CEL: variants seen among roughly 807,000 people sequenced by gnomAD.
CEL encodes the protein bile salt-activated lipase.
Under a neutral mutation model 57.1 loss-of-function variants are expected in CEL, and 39 were observed. That is an observed-to-expected ratio of 0.68 (90% CI 0.53 to 0.89). The LOEUF is 0.89. CEL is among the 40% of genes least tolerant of loss of function. The pLI is 0.00. For synonymous variants in CEL, 314 were observed against 396.6 expected (o/e 0.79, Z 2.48); for missense variants, 698 against 915.0 (o/e 0.76, Z 3.06).
chr9:133,066,771 C>T lies in CEL; in HGVS notation c.670-67C>T. 6.2e-7 allele frequency: 1 copy of T among 1,606,512 alleles called. No individual in the cohort carries two copies. The highest frequency in any genetic ancestry group is 1.7e-5 in the Admixed American group (1 of 59,654). On this transcript the variant is annotated intron_variant, in intron 5 of 10. Transcript: ENST00000372080. The surrounding 1 kb of genome is among the most constrained non-coding windows in gnomAD (Gnocchi z 4.3). ...AGCTGGGGCTGTGGTGCTGGGGTGT[C>T]CTTGTCCCAGCGTGGGGTGGGCAGA...
At chr9:133,065,700 G>A (rs1830166602) in intron 4 of CEL, among the ~76,000 whole-genome samples, 1 of 152,076 alleles carries the variant, frequency 6.6e-6, no homozygotes, top group African/African-American at 2.4e-5. Flanking sequence ...TACAAAATTA[G>A]CCAGGCGTGG....
Position 133,067,152 on chromosome 9 carries a change from C to A in CEL, c.842C>A (p.Thr281Asn). ...AGGATGGCCCAGTGTCTGAAGGTTA[C>A]TGATCCCCGAGCCCTGACGCTGGCC... is the stretch of plus-strand genomic sequence containing the variant. ...AARMAQCLKV[T>N]DPRALTLAYK... is the part of the protein sequence containing the mutation. The change falls in exon 7 of 11, where the codon ACT becomes AAT. Residue 281 changes from threonine (T) to asparagine (N), a missense_variant. Thr to Asn is a moderately conservative substitution (Grantham distance 65). This residue lies in a region of CEL where 327 missense variants were observed against 374.1 expected (regional missense o/e 0.87). Coordinates refer to ENST00000372080, the MANE Select transcript of CEL (RefSeq NM_001807.6). The A allele has an allele frequency of 6.2e-7, 1 of 1,614,082 alleles. No individual in the cohort carries two copies. Among genetic ancestry groups the A allele is most frequent in the Non-Finnish European group, 8.5e-7 (1 of 1,179,994 alleles).
At position 133,066,522 on chromosome 9, in the gene CEL, GC is replaced by G; in HGVS notation, c.539-3del. The G allele has an allele frequency of 6.2e-7, 1 of 1,613,912 alleles. No individual in the cohort carries two copies. The highest frequency in any genetic ancestry group is 8.5e-7 in the Non-Finnish European group (1 of 1,180,002). On this transcript the variant is annotated splice_polypyrimidine_tract_variant and splice_region_variant and intron_variant, in intron 4 of 10. Coordinates refer to ENST00000372080, the MANE Select transcript of CEL (RefSeq NM_001807.6). The surrounding 1 kb of genome is among the most constrained non-coding windows in gnomAD (Gnocchi z 4.3). ...TCTCTAGCACCCCCTCCCCTGCCCT[GC>G]CCCCAGGTAACTATGGCCTTCGGGA...
At chr9:133,064,208 G>T (rs1280094461) in intron 1 of CEL, among the ~76,000 whole-genome samples, 196 bp from the exon 2 acceptor site, 1 of 152,206 alleles carries the variant, frequency 6.6e-6, no homozygotes, top group African/African-American at 2.4e-5. Context: ...CACCCCCAGG[G>T]ATAAGGAGAG....
intron 7 of CEL, among the ~76,000 whole-genome samples, chr9:133,067,896 C>T (rs1401256056): frequency 6.6e-6 from 1 of 152,216 alleles, no homozygotes; most frequent in African/African-American, 2.4e-5. Flanking sequence ...GGGGCCCAGC[C>T]TCCAGCTCCA....
In CEL at chr9:133,066,148, G is replaced by T. The variant is rs1433463166; in HGVS notation, c.539-382G>T. On this transcript the variant is annotated intron_variant, in intron 4 of 10. Transcript: ENST00000372080. This position sits in a 1 kb window ranked among gnomAD's most constrained non-coding sequence, Gnocchi z 4.3. The stretch of plus-strand genomic sequence containing the variant: ...AGAGACAGCTGTGGACACAGAAGTG[G>T]CAGGACACAGACAGGAGGGACTGGG... Among the ~76,000 whole-genome samples the T allele has an allele frequency of 6.6e-6, 1 of 152,148 alleles. No individual in the cohort carries two copies. Among genetic ancestry groups the T allele is most frequent in the Non-Finnish European group, 1.5e-5 (1 of 68,028 alleles).
intron 3 of CEL, 57 bp from the exon 4 acceptor site, chr9:133,064,983 G>A (rs1251590986): frequency 9.4e-6 from 15 of 1,604,260 alleles, no homozygotes; most frequent in Non-Finnish European, 1.2e-5. Context: ...ACAGGGGACC[G>A]GCTGGAGACA....
At chr9:133,067,019 T>G (rs1830189063) in intron 6 of CEL, 69 bp from the exon 7 acceptor site, 1 of 1,606,786 alleles carries the variant, frequency 6.2e-7, no homozygotes, top group African/African-American at 1.3e-5. Context: ...GACCCCATCC[T>G]TGCCTTCAAA....
chr9:133,062,279 T>C (rs979872086), intron 1 of CEL, among the ~76,000 whole-genome samples: 3 of 150,812 alleles, frequency 2.0e-5, no homozygotes, highest in Non-Finnish European at 4.4e-5. Flanking sequence ...TGTGTAAGTA[T>C]GTCCCATGCA....
At chr9:133,065,734 T>C (rs1830167104) in intron 4 of CEL, among the ~76,000 whole-genome samples, 1 of 151,154 alleles carries the variant, frequency 6.6e-6, no homozygotes, top group Non-Finnish European at 1.5e-5. Flanking sequence ...TAATCCCAGC[T>C]ACTCGGGAGG....
chr9:133,063,541 C>A (rs1173573867), intron 1 of CEL, among the ~76,000 whole-genome samples: 8 of 152,216 alleles, frequency 5.3e-5, no homozygotes, highest in African/African-American at 1.9e-4. Context: ...CAGGTGACAG[C>A]CAGCAAGCAA....
chr9:133,063,299 C>T (rs1202182665), intron 1 of CEL, among the ~76,000 whole-genome samples: 7 of 152,174 alleles, frequency 4.6e-5, no homozygotes, highest in Non-Finnish European at 1.0e-4. Flanking sequence ...TGGCCAGTCT[C>T]AATTGCACAG....
In CEL at chr9:133,066,848, C is replaced by G; in HGVS notation, c.680C>G (p.Pro227Arg). The G allele has an allele frequency of 6.2e-7, 1 of 1,612,754 alleles. No individual in the cohort carries two copies. ...GASVSLQTLS[P>R]YNKGLIRRAI... ...TTCTGGGTCCCGTAGACCCTCTCCC[C>G]CTACAACAAGGGCCTCATCCGGCGA... The change falls in exon 6 of 11, where the codon CCC becomes CGC. Residue 227 changes from proline to arginine, a missense_variant. This residue lies in a region of CEL where 327 missense variants were observed against 374.1 expected (regional missense o/e 0.87). Transcript: ENST00000372080. The surrounding 1 kb of genome is among the most constrained non-coding windows in gnomAD (Gnocchi z 4.3).
At chr9:133,064,258 G>A in intron 1 of CEL, 146 bp from the exon 2 acceptor site, 1 of 990,362 alleles carries the variant, frequency 1.0e-6, no homozygotes, top group African/African-American at 1.6e-5. Context: ...CAGGGCAGGG[G>A]GTGCTGCCTG....
rs377553323 is a variant in CEL at position 133,070,629 on chromosome 9, C to G, written c.1455C>G (p.Ile485Met). The G allele has an allele frequency of 1.9e-6, 3 of 1,614,190 alleles. No homozygotes were observed. The highest frequency in any genetic ancestry group is 2.5e-6 in the Non-Finnish European group (3 of 1,180,036). ...ACAGGACAGTCTCTAAGGCCATGAT[C>G]GCCTACTGGACCAACTTTGCCAAAA... Reference protein sequence around the residue: ...PQDRTVSKAMIAYWTNFAKTG... With the variant: ...PQDRTVSKAMMAYWTNFAKTG... The change falls in exon 10 of 11, where the codon ATC becomes ATG. Residue 485 changes from isoleucine (I) to methionine (M), a missense_variant. This residue lies in a region of CEL where 111 missense variants were observed against 147.3 expected (regional missense o/e 0.75). Coordinates refer to ENST00000372080, the MANE Select transcript of CEL (RefSeq NM_001807.6).
At position 133,064,632 on chromosome 9, in the gene CEL, A is replaced by G; in HGVS notation, c.218-8A>G. On this transcript the variant is annotated splice_polypyrimidine_tract_variant and splice_region_variant and intron_variant, in intron 2 of 10. Transcript: ENST00000372080. ...TGCCTTCCTCATGCCAACTCCTGCCACCTGCAGGGACCCTGAAGGCCAAGA... is the reference window on the plus strand; with the variant it reads ...TGCCTTCCTCATGCCAACTCCTGCCGCCTGCAGGGACCCTGAAGGCCAAGA... The G allele has an allele frequency of 6.2e-7, 1 of 1,613,764 alleles. No individual in the cohort carries two copies. The highest frequency in any genetic ancestry group is 8.5e-7 in the Non-Finnish European group (1 of 1,179,898).
At position 133,070,584 on chromosome 9, in the gene CEL, C is replaced by A; in HGVS notation, c.1410C>A (p.Pro470=). The change falls in exon 10 of 11, where the codon CCC becomes CCA. Residue 470 remains proline, a synonymous_variant. Transcript: ENST00000372080. ...QYVFGKPFAT[P]TGYRPQDRTV... is the part of the protein sequence containing the mutation. Reference sequence around the variant, plus strand: ...TTTTCGGGAAGCCCTTCGCCACCCCCACGGGCTACCGGCCCCAAGACAGGA... The same window carrying A: ...TTTTCGGGAAGCCCTTCGCCACCCCAACGGGCTACCGGCCCCAAGACAGGA... 1 of 1,612,414 alleles carries A rather than the reference C, an allele frequency of 6.2e-7. No individual in the cohort carries two copies. Among genetic ancestry groups the A allele is most frequent in the African/African-American group, 1.3e-5 (1 of 74,602 alleles).
intron 4 of CEL, among the ~76,000 whole-genome samples, chr9:133,065,778 G>A (rs1369424464): frequency 1.3e-5 from 2 of 151,430 alleles, no homozygotes; most frequent in East Asian, 1.9e-4. Context: ...CTCAGGAGGC[G>A]GAGGTTGCGG....
At chr9:133,070,962 T>A (rs775844995) in intron 10 of CEL, 25 bp from the exon 11 acceptor site, 1 of 1,612,142 alleles carries the variant, frequency 6.2e-7, no homozygotes, top group South Asian at 1.1e-5. Context: ...CCCCAGCCCC[T>A]GCACAGCCTC....
Sources: gnomAD v4.1 joint callset for allele counts (sites outside exome capture counted in the v4.1 genomes callset) on GRCh38, gnomAD v4.1.1 for gene constraint, gnomAD v4.1.1 regional missense constraint, Gnocchi (gnomAD v3.1) non-coding constraint, MANE v1.5 for transcripts, NCBI Gene and HGNC (gene_info 2026-07-23, HGNC 2026-07-21) for gene names.